ACER1: variants seen among roughly 807,000 people sequenced by gnomAD.
ACER1 encodes alkaline ceramidase 1, also known as CTB-180A7.3.
ACER1 carries 28 observed loss-of-function variants against 24.9 expected under a neutral mutation model. The ratio of observed to expected loss-of-function variants is 1.13; its 90% CI spans 0.83 to 1.54. ACER1 has a LOEUF of 1.54. Ranked by LOEUF, ACER1 falls within the 40% of genes most tolerant of loss-of-function variation. ACER1 has a pLI of 0.00. For missense variants in ACER1, 352 were observed against 349.3 expected, an observed-to-expected ratio of 1.01 and a Z score of -0.06; for synonymous variants, 132 against 131.4, an observed-to-expected ratio of 1.00 and a Z score of -0.03.
At chr19:6,321,428 AC>A (rs1166649714) in intron 1 of ACER1, among the ~76,000 whole-genome samples, 1 of 152,070 alleles carries the variant, frequency 6.6e-6, no homozygotes, top group Non-Finnish European at 1.5e-5. Flanking sequence ...GGTGTGAGCC[AC>A]CCCATCTGGC....
intron 1 of ACER1, among the ~76,000 whole-genome samples, chr19:6,323,236 C>T (rs970171348): frequency 1.4e-4 from 22 of 152,066 alleles, no homozygotes; most frequent in South Asian, 4.2e-4. Context: ...ATGGCTAACA[C>T]AGTGAAACCC....
At chr19:6,345,254 C>T in the ACER1 span, among the ~76,000 whole-genome samples, 8,598 of 152,056 alleles carry the variant, frequency 0.057, 402 homozygotes, top group African/African-American at 0.13. Flanking sequence ...CACGGTCACA[C>T]CCATTTGTTT....
In ACER1 at chr19:6,333,414, C is replaced by T. The variant is rs552819137; in HGVS notation, c.93+45G>A. 34 of 1,484,752 alleles carry T rather than the reference C, an allele frequency of 2.3e-5. No individual in the cohort carries two copies. The East Asian group carries it at 7.1e-4, about 31-fold the overall frequency. The allele number at this position is 1,484,752 out of a possible 1,614,324, so 92.0% of individuals were successfully genotyped here. A position where few individuals can be genotyped will look rare whatever the true frequency, so the allele number is the denominator to read the frequency against. On this transcript the variant is annotated intron_variant, in intron 1 of 5. Coordinates refer to ENST00000301452, the MANE Select transcript of ACER1 (RefSeq NM_133492.3). ...GGCTGTATGGGGAGGAACCGGGATT[C>T]GAACCGGCATCTGGCGAGACTCCTT...
At chr19:6,337,883 T>C (rs912562624), upstream of ACER1, among the ~76,000 whole-genome samples, 1 of 150,970 alleles carries the variant, frequency 6.6e-6, no homozygotes, top group Non-Finnish European at 1.5e-5. Flanking sequence ...TTCACCATGT[T>C]AGCCAGGATG....
At chr19:6,335,075 TA>T (rs1391542460), upstream of ACER1, among the ~76,000 whole-genome samples, 2 of 146,986 alleles carry the variant, frequency 1.4e-5, no homozygotes, top group African/African-American at 2.5e-5. Context: ...ATTATTATAT[TA>T]AAAATACTAT....
the ACER1 span, among the ~76,000 whole-genome samples, chr19:6,345,566 T>G: frequency 1.4e-5 from 1 of 72,218 alleles, no homozygotes; most frequent in Non-Finnish European, 2.1e-5. Context: ...TATTAGATTC[T>G]TTTTTTTTTT....
the ACER1 span, among the ~76,000 whole-genome samples, chr19:6,343,396 G>A: frequency 3.3e-5 from 5 of 151,782 alleles, no homozygotes; most frequent in South Asian, 2.1e-4. Flanking sequence ...ATCCCAACAC[G>A]TGACCTCCAT....
chr19:6,356,558 G>A, the ACER1 span, among the ~76,000 whole-genome samples: 698 of 152,086 alleles, frequency 4.6e-3, 5 homozygotes, highest in African/African-American at 0.016. Flanking sequence ...AACCAACACC[G>A]TTAAAGCCCT....
At chr19:6,324,065 G>C (rs1330690654) in intron 1 of ACER1, among the ~76,000 whole-genome samples, 1 of 151,998 alleles carries the variant, frequency 6.6e-6, no homozygotes, top group Non-Finnish European at 1.5e-5. Context: ...TATTTTTTGA[G>C]ACCAAGTCTC....
intron 1 of ACER1, among the ~76,000 whole-genome samples, chr19:6,320,562 C>G (rs1346279574): frequency 6.6e-6 from 1 of 152,116 alleles, no homozygotes; most frequent in Non-Finnish European, 1.5e-5. Flanking sequence ...ATCCGCCTGC[C>G]TCAGCCTCCC....
At chr19:6,318,703 G>T (rs576563385) in intron 1 of ACER1, among the ~76,000 whole-genome samples, 2 of 149,898 alleles carry the variant, frequency 1.3e-5, no homozygotes, top group East Asian at 2.0e-4. Flanking sequence ...GAAGAATGGC[G>T]TGAACCCGGG....
At chr19:6,327,361 C>T (rs911094765) in intron 1 of ACER1, among the ~76,000 whole-genome samples, 4 of 151,864 alleles carry the variant, frequency 2.6e-5, no homozygotes, top group African/African-American at 9.7e-5. Context: ...GTCAGGAGAT[C>T]GAGACCATCC....
Position 6,331,153 on chromosome 19 carries a change from C to CTTTTT in ACER1, c.93+2301_93+2305dup, listed in dbSNP as rs560393300. Among the ~76,000 whole-genome samples, 564 of 134,872 alleles carry CTTTTT rather than the reference C, an allele frequency of 4.2e-3. 33 individuals are homozygous for CTTTTT. Among genetic ancestry groups the CTTTTT allele is most frequent in the African/African-American group, 0.016 (533 of 33,058 alleles). The allele number at this position is 134,872 out of a possible 152,430, so 88.5% of individuals were successfully genotyped here. A position where few individuals can be genotyped will look rare whatever the true frequency, so the allele number is the denominator to read the frequency against. On this transcript the variant is annotated intron_variant, in intron 1 of 5. Coordinates refer to ENST00000301452, the MANE Select transcript of ACER1 (RefSeq NM_133492.3). ...GGTCATGCCTGGTACACAGCAAGCA[C>CTTTTT]TTTTTTTTTTTTTTTGAGATGAGGT...
At position 6,321,604 on chromosome 19, in the gene ACER1, G is replaced by GTTTGT. The variant is rs560868121; in HGVS notation, c.94-9110_94-9106dup. Among the ~76,000 whole-genome samples the GTTTGT allele has an allele frequency of 9.0e-3, 1,196 of 132,736 alleles. 6 individuals carry two copies. The highest frequency in any genetic ancestry group is 0.02 in the South Asian group (78 of 3,854). 87.1% of individuals were successfully genotyped at this position (132,736 alleles called of 152,430 possible). ...AGGAGTTTCTTGTATTTTTTTCTTT[G>GTTTGT]TTTGTTTTGTTTTGTTTTGTTTGAG... On this transcript the variant is annotated intron_variant, in intron 1 of 5. Transcript: ENST00000301452.
chr19:6,336,613 G>C (rs2091715013), upstream of ACER1, among the ~76,000 whole-genome samples: 1 of 151,916 alleles, frequency 6.6e-6, no homozygotes, highest in African/African-American at 2.4e-5. Flanking sequence ...GAGGTCAGGA[G>C]ATCAAGACCA....
chr19:6,319,782 G>A (rs568726680), intron 1 of ACER1, among the ~76,000 whole-genome samples: 3 of 151,996 alleles, frequency 2.0e-5, no homozygotes, highest in South Asian at 2.1e-4. Context: ...CACAGTAGGC[G>A]CCTAATACAT....
the ACER1 span, among the ~76,000 whole-genome samples, chr19:6,355,047 G>A: frequency 4.5e-3 from 692 of 152,260 alleles, 5 homozygotes; most frequent in African/African-American, 0.016. Flanking sequence ...CTGGTCTCCA[G>A]CTCCTAAGTG....
intron 3 of ACER1, among the ~76,000 whole-genome samples, chr19:6,311,597 G>A (rs1167925726): frequency 1.3e-5 from 2 of 149,630 alleles, no homozygotes; most frequent in African/African-American, 2.4e-5. Context: ...AGGAGGAGGC[G>A]GAGAAGAAGA....
At chr19:6,309,413 T>C (rs776501100) in intron 4 of ACER1, among the ~76,000 whole-genome samples, 1 of 151,754 alleles carries the variant, frequency 6.6e-6, no homozygotes, top group Non-Finnish European at 1.5e-5. Context: ...TCCCAGCTAC[T>C]TGGGAGGCTG....
Sources: allele counts gnomAD v4.1 joint callset (sites outside exome capture counted in the v4.1 genomes callset), GRCh38; gene constraint gnomAD v4.1.1; transcripts MANE v1.5; gene names NCBI Gene and HGNC (gene_info 2026-07-23, HGNC 2026-07-21).